The following CREB5 variants were observed in gnomAD, a reference collection of about 807,000 sequenced individuals.
The protein encoded by CREB5 is cAMP responsive element binding protein 5.
A neutral mutation model predicts 57.1 loss-of-function variants in CREB5; 19 were observed. That is an observed-to-expected ratio of 0.33 (90% CI 0.23 to 0.49). The LOEUF is 0.49. CREB5 is among the 20% of genes least tolerant of loss of function. CREB5 has a pLI of 0.99. For missense variants in CREB5, 579 were observed against 671.6 expected (o/e 0.86, Z 1.52); for synonymous variants, 238 against 238.3 (o/e 1.00, Z 0.01).
At chr7:28,387,426 G>T (rs1009165415) in intron 1 of CREB5, among the ~76,000 whole-genome samples, 1 of 150,246 alleles carries the variant, frequency 6.7e-6, no homozygotes, top group African/African-American at 2.4e-5. Context: ...GGGGTTGTTT[G>T]TTTTTTTTTC....
At chr7:28,435,730 C>A (rs560424419) in intron 1 of CREB5, 4 of 894,178 alleles carry the variant, frequency 4.5e-6, no homozygotes, top group African/African-American at 1.8e-5. Flanking sequence ...ACAGATGAAC[C>A]AAACACTCAG....
intron 5 of CREB5, among the ~76,000 whole-genome samples, chr7:28,704,054 C>G (rs2128739101): frequency 1.3e-5 from 2 of 152,290 alleles, no homozygotes; most frequent in East Asian, 3.9e-4. Context: ...TCATCATTCT[C>G]AAAATGTCCA....
chr7:28,310,778 G>A lies in CREB5; in HGVS notation c.-25+11337G>A, dbSNP rs78897396. On this transcript the variant is annotated intron_variant, in intron 1 of 9. Transcript: ENST00000396299. ...GACTTCATGTCATTTTTACCTCTAC[G>A]TGCTTCAGTGTTCTGAATTATGCAG... is the stretch of plus-strand genomic sequence containing the variant. Among the ~76,000 whole-genome samples the A allele has an allele frequency of 2.8e-3, 431 of 152,112 alleles. 1 individual carries two copies. Among genetic ancestry groups the A allele is most frequent in the African/African-American group, 0.01 (415 of 41,476 alleles).
intron 1 of CREB5, among the ~76,000 whole-genome samples, chr7:28,380,191 C>T (rs897705166): frequency 3.9e-5 from 6 of 152,158 alleles, no homozygotes; most frequent in African/African-American, 1.4e-4. Flanking sequence ...TGGTCTGAGG[C>T]CAGTGAAAGT....
intron 5 of CREB5, among the ~76,000 whole-genome samples, chr7:28,613,924 T>C (rs988915337): frequency 1.3e-5 from 2 of 152,188 alleles, no homozygotes; most frequent in African/African-American, 2.4e-5. Flanking sequence ...ATGTCTTAGA[T>C]GTTATTTGAA....
chr7:28,415,673 T>G (rs1343861780), intron 1 of CREB5, among the ~76,000 whole-genome samples: 2 of 152,190 alleles, frequency 1.3e-5, no homozygotes, highest in African/African-American at 4.8e-5. Flanking sequence ...CAGATTTCAT[T>G]TGAGAGTAAA....
At chr7:28,677,230 C>T (rs991450363) in intron 5 of CREB5, among the ~76,000 whole-genome samples, 8 of 152,136 alleles carry the variant, frequency 5.3e-5, no homozygotes, top group African/African-American at 1.4e-4. Flanking sequence ...TTTCCATGAC[C>T]ATAGGATGAC....
chr7:28,403,655 T>C (rs896969297), intron 1 of CREB5, among the ~76,000 whole-genome samples: 1 of 152,146 alleles, frequency 6.6e-6, no homozygotes, highest in Non-Finnish European at 1.5e-5. Flanking sequence ...CTGCCTTTCC[T>C]CTCAGCATGT....
intron 1 of CREB5, among the ~76,000 whole-genome samples, chr7:28,406,589 C>G (rs1272002764): frequency 6.6e-6 from 1 of 152,206 alleles, no homozygotes; most frequent in Non-Finnish European, 1.5e-5. Flanking sequence ...TGGATGGAGT[C>G]CTGGTGGGTG....
At chr7:28,349,070 T>C (rs1008778900) in intron 1 of CREB5, among the ~76,000 whole-genome samples, 2 of 152,180 alleles carry the variant, frequency 1.3e-5, no homozygotes, top group African/African-American at 4.8e-5. Flanking sequence ...TGTCGGTTTA[T>C]TGTCAGCTCC....
intron 1 of CREB5, among the ~76,000 whole-genome samples, chr7:28,479,802 A>G (rs1163466743): frequency 6.6e-6 from 1 of 152,206 alleles, no homozygotes; most frequent in Non-Finnish European, 1.5e-5. Context: ...ATAGGAGTTA[A>G]TAGTAAGATG....
intron 5 of CREB5, among the ~76,000 whole-genome samples, chr7:28,688,650 G>T (rs551130151): frequency 6.6e-6 from 1 of 152,240 alleles, no homozygotes; most frequent in Admixed American, 6.5e-5. Flanking sequence ...TTATGTATCC[G>T]GGGTAGTAGC....
In CREB5 at chr7:28,394,070, C is replaced by CAAAAAAAAAAA. The variant is rs56166148; in HGVS notation, c.-25+94655_-25+94665dup. Reference sequence around the variant, plus strand: ...TGGGGGATGGAGCAAGACTCTGTCTCAAAAAAAAAAAAAAAAAAAAAAAAA... The same window carrying CAAAAAAAAAAA: ...TGGGGGATGGAGCAAGACTCTGTCTCAAAAAAAAAAAAAAAAAAAAAAAAAAAAAAAAAAAA... On this transcript the variant is annotated intron_variant, in intron 1 of 9. Coordinates refer to the CREB5 transcript ENST00000396299. Among the ~76,000 whole-genome samples the CAAAAAAAAAAA allele has an allele frequency of 1.3e-4, 7 of 52,998 alleles. 2 individuals are homozygous for CAAAAAAAAAAA. The highest frequency in any genetic ancestry group is 2.1e-4 in the African/African-American group (2 of 9,320). 34.8% of individuals were successfully genotyped at this position (52,998 alleles called of 152,430 possible). A position where few individuals can be genotyped will look rare whatever the true frequency, so the allele number is the denominator to read the frequency against.
chr7:28,409,697 C>A (rs1163463952), upstream of CREB5: 1 of 308,076 alleles, frequency 3.2e-6, no homozygotes, highest in African/African-American at 2.3e-5. The surrounding 1 kb of genome is among the most constrained non-coding windows in gnomAD (Gnocchi z 4.4). Context: ...CTGTGGAATT[C>A]GGCTGTGTCC....
intron 1 of CREB5, among the ~76,000 whole-genome samples, chr7:28,450,542 G>A (rs1488948039): frequency 6.6e-6 from 1 of 152,210 alleles, no homozygotes; most frequent in African/African-American, 2.4e-5. Flanking sequence ...AAGAGTCATT[G>A]CAACAACTCA....
chr7:28,487,627 G>A (rs962781497), intron 1 of CREB5, among the ~76,000 whole-genome samples: 4 of 152,216 alleles, frequency 2.6e-5, no homozygotes, highest in Admixed American at 2.0e-4. Flanking sequence ...AGAATCACTT[G>A]CTAAGCTGGT....
rs767019490 is a variant in CREB5 at position 28,809,253 on chromosome 7, C to T, written c.1093C>T (p.Arg365Cys). Residue 365 changes from arginine to cysteine, a missense_variant, in exon 9 of 11, where the codon CGC (arginine) becomes TGC (cysteine). By Grantham distance (180) the Arg-to-Cys change is radical (BLOSUM62 -3). This residue lies in a region of CREB5 where 459 missense variants were observed against 515.7 expected (regional missense o/e 0.89). Transcript: ENST00000357727. ...TIQPPQPTGG[R>C]RRRVVDEDPD... Reference sequence around the variant, plus strand: ...ACAGCCACCCCAGCCCACAGGGGGGCGCCGGCGAAGGGTGGTAGACGAGGA... The same window carrying T: ...ACAGCCACCCCAGCCCACAGGGGGGTGCCGGCGAAGGGTGGTAGACGAGGA... 8.1e-6 allele frequency: 13 copies of T among 1,614,106 alleles called. No homozygotes were observed. The highest frequency in any genetic ancestry group is 2.2e-5 in the East Asian group (1 of 44,882).
At chr7:28,514,509 C>T (rs1230211437) in intron 4 of CREB5, among the ~76,000 whole-genome samples, 1 of 152,198 alleles carries the variant, frequency 6.6e-6, no homozygotes, top group East Asian at 1.9e-4. Flanking sequence ...CATTCTCCTG[C>T]CTCAGCCTCC....
Position 28,560,861 on chromosome 7 carries a change from T to TGCGCGC in CREB5, c.292-9503_292-9502insCGCGCG, listed in dbSNP as rs1358670336. 3.1e-4 allele frequency among the ~76,000 whole-genome samples: 14 copies of TGCGCGC among 45,892 alleles called. 1 individual carries two copies. Among genetic ancestry groups the TGCGCGC allele is most frequent in the Non-Finnish European group, 4.6e-4 (10 of 21,572 alleles). 30.1% of individuals were successfully genotyped at this position (45,892 alleles called of 152,430 possible). On this transcript the variant is annotated intron_variant, in intron 4 of 10. Transcript: ENST00000357727. ...GTGTGTGTGCGCGTGTGTGTGTGCG[T>TGCGCGC]GTGCCTGCGTGCGCGTGCGTGCGTG...
Sources: allele counts gnomAD v4.1 joint callset (sites outside exome capture counted in the v4.1 genomes callset), GRCh38; gene constraint gnomAD v4.1.1; regional missense constraint gnomAD v4.1.1; non-coding constraint Gnocchi (gnomAD v3.1); transcripts MANE v1.5; gene names NCBI Gene and HGNC (gene_info 2026-07-23, HGNC 2026-07-21).